The following EYS variants were observed in gnomAD, a reference collection of about 807,000 sequenced individuals.
EYS encodes the protein EGF-like photoreceptor maintenance factor, also known as protein eyes shut homolog.
In EYS, 250 loss-of-function variants were observed where a neutral mutation model predicts 282.1. The observed-to-expected ratio is 0.89, with a 90% confidence interval of 0.80 to 0.98. The LOEUF (loss-of-function observed/expected upper bound fraction) is 0.98, where lower values mean the gene tolerates loss of function less well. Among genes scored for constraint, EYS ranks in the 50% least tolerant of loss-of-function variants. EYS has a pLI of 0.00. For missense variants in EYS, 4,016 were observed against 3,709.0 expected, an observed-to-expected ratio of 1.08 and a Z score of -2.15; for synonymous variants, 1,355 against 1,282.9, an observed-to-expected ratio of 1.06 and a Z score of -1.20.
At chr6:63,870,124 G>A (rs555547574) in intron 35 of EYS, among the ~76,000 whole-genome samples, 2 of 152,178 alleles carry the variant, frequency 1.3e-5, no homozygotes, top group African/African-American at 4.8e-5. Context: ...TTCCTGTAAA[G>A]ATAATGTGCC....
At chr6:64,119,453 T>C (rs79014707) in intron 31 of EYS, among the ~76,000 whole-genome samples, 10,415 of 152,226 alleles carry the variant, frequency 0.068, 1,084 homozygotes, top group African/African-American at 0.23. Context: ...CTATATTCAA[T>C]TTGCTAGAAG....
At chr6:64,670,984 A>G (rs547531290) in intron 22 of EYS, among the ~76,000 whole-genome samples, 1 of 152,122 alleles carries the variant, frequency 6.6e-6, no homozygotes, top group South Asian at 2.1e-4. Flanking sequence ...AATATTGGAA[A>G]GACCTCAAAT....
At chr6:64,306,244 A>C (rs1582569818) in intron 30 of EYS, among the ~76,000 whole-genome samples, 1 of 152,294 alleles carries the variant, frequency 6.6e-6, no homozygotes, top group East Asian at 1.9e-4. Flanking sequence ...CTGGGCTTGC[A>C]TGAGGAGCAA....
At chr6:65,244,726 G>A (rs957051241) in intron 12 of EYS, among the ~76,000 whole-genome samples, 1 of 149,660 alleles carries the variant, frequency 6.7e-6, no homozygotes, top group Admixed American at 6.7e-5. Context: ...GTTTCACCGT[G>A]TTAGCTAGGA....
At chr6:65,488,254 A>G (rs1167440227) in intron 5 of EYS, among the ~76,000 whole-genome samples, 1 of 151,734 alleles carries the variant, frequency 6.6e-6, no homozygotes, top group African/African-American at 2.4e-5. Flanking sequence ...TAGTTCTTTT[A>G]ATTGTGATGT....
At chr6:64,496,627 C>T (rs755182026) in intron 26 of EYS, among the ~76,000 whole-genome samples, 6 of 151,838 alleles carry the variant, frequency 4.0e-5, no homozygotes, top group Non-Finnish European at 5.9e-5. Context: ...TACATATTTT[C>T]TTTTGGTATT....
chr6:63,935,621 C>T (rs970011076), intron 35 of EYS, among the ~76,000 whole-genome samples: 1 of 152,154 alleles, frequency 6.6e-6, no homozygotes, highest in African/African-American at 2.4e-5. Context: ...TGAGGAAAGA[C>T]CACAGTGAGA....
intron 13 of EYS, among the ~76,000 whole-genome samples, chr6:65,049,273 G>C (rs1360015120): frequency 6.6e-6 from 1 of 151,700 alleles, no homozygotes; most frequent in Non-Finnish European, 1.5e-5. Flanking sequence ...CCAGCTTCAT[G>C]TTCTCAGAGT....
intron 14 of EYS, among the ~76,000 whole-genome samples, chr6:64,981,700 A>T (rs1344553543): frequency 2.6e-5 from 4 of 151,326 alleles, no homozygotes; most frequent in Non-Finnish European, 5.9e-5. Flanking sequence ...ATTTTAAACC[A>T]TTTTGTTTTA....
intron 31 of EYS, among the ~76,000 whole-genome samples, chr6:64,125,332 A>G (rs199568711): frequency 6.6e-6 from 1 of 152,128 alleles, no homozygotes; most frequent in East Asian, 1.9e-4. Context: ...GGATGGAGTT[A>G]GACTGAAGGT....
At chr6:64,750,420 T>TTA (rs1772706469) in intron 22 of EYS, among the ~76,000 whole-genome samples, 1 of 146,978 alleles carries the variant, frequency 6.8e-6, no homozygotes, top group African/African-American at 2.5e-5. Context: ...AGAGGGAAAG[T>TTA]AAAAAAAAAA....
At chr6:63,853,321 A>G (rs992396443) in intron 36 of EYS, among the ~76,000 whole-genome samples, 1 of 152,126 alleles carries the variant, frequency 6.6e-6, no homozygotes, top group African/African-American at 2.4e-5. Flanking sequence ...AAATCACAAG[A>G]ATTCCTATAC....
intron 12 of EYS, among the ~76,000 whole-genome samples, chr6:65,251,331 AAAAT>A (rs1207921206): frequency 6.6e-6 from 1 of 151,790 alleles, no homozygotes; most frequent in Non-Finnish European, 1.5e-5. Context: ...CAACGTATGT[AAAAT>A]AAACTATAAA....
At chr6:63,922,412 A>C (rs913154530) in intron 35 of EYS, among the ~76,000 whole-genome samples, 9 of 152,120 alleles carry the variant, frequency 5.9e-5, no homozygotes, top group Non-Finnish European at 1.3e-4. Flanking sequence ...AAAATACAAA[A>C]ATTAGCTGGG....
intron 35 of EYS, among the ~76,000 whole-genome samples, chr6:63,973,083 G>C (rs779148661): frequency 3.3e-5 from 5 of 152,168 alleles, no homozygotes; most frequent in African/African-American, 1.2e-4. Flanking sequence ...TAATAGGATT[G>C]CTGGGTCAAA....
intron 8 of EYS, among the ~76,000 whole-genome samples, chr6:65,371,440 G>A (rs565253014): frequency 7.3e-5 from 11 of 150,486 alleles, no homozygotes; most frequent in Admixed American, 2.9e-4. Flanking sequence ...ACAAACCGAG[G>A]ATGTAACATT....
chr6:64,008,514 T>C (rs745461003), intron 33 of EYS, among the ~76,000 whole-genome samples: 3 of 152,148 alleles, frequency 2.0e-5, no homozygotes, highest in Non-Finnish European at 4.4e-5. Flanking sequence ...ATCATGTTGT[T>C]AGTTGATTAT....
chr6:65,653,859 C>A (rs1251230264), intron 1 of EYS, among the ~76,000 whole-genome samples: 2 of 151,836 alleles, frequency 1.3e-5, no homozygotes, highest in Non-Finnish European at 2.9e-5. Flanking sequence ...ATCTCACATC[C>A]TTTGTGTCAT....
chr6:65,483,857 C>T (rs2127258319), intron 5 of EYS, among the ~76,000 whole-genome samples: 1 of 152,214 alleles, frequency 6.6e-6, no homozygotes, highest in African/African-American at 2.4e-5. Context: ...TGGCAGCAAG[C>T]AAAGACAGAG....
Sources: allele counts gnomAD v4.1 joint callset (sites outside exome capture counted in the v4.1 genomes callset), GRCh38; gene constraint gnomAD v4.1.1; transcripts MANE v1.5; gene names NCBI Gene and HGNC (gene_info 2026-07-23, HGNC 2026-07-21).